The following RIMS2 variants were observed in gnomAD, a reference collection of about 807,000 sequenced individuals.
The protein encoded by RIMS2 is regulating synaptic membrane exocytosis 2.
RIMS2 carries 59 observed loss-of-function variants against 174.4 expected under a neutral mutation model. The observed-to-expected ratio is 0.34, with a 90% CI of 0.27 to 0.42. The LOEUF (loss-of-function observed/expected upper bound fraction) is 0.42. Among genes scored for constraint, RIMS2 ranks in the 10% least tolerant of loss-of-function variants. The pLI, the probability that RIMS2 is intolerant of heterozygous loss-of-function variation, is 1.00. For missense variants in RIMS2, 1,620 were observed against 1,666.3 expected, an observed-to-expected ratio of 0.97 and a Z score of 0.48; for synonymous variants, 606 against 572.5, an observed-to-expected ratio of 1.06 and a Z score of -0.84.
chr8:103,897,354 T>G (rs980793196), intron 4 of RIMS2, among the ~76,000 whole-genome samples: 3 of 151,706 alleles, frequency 2.0e-5, no homozygotes, highest in Non-Finnish European at 4.4e-5. Context: ...TGCTGAGCTA[T>G]CCCATCAGTG....
intron 19 of RIMS2, among the ~76,000 whole-genome samples, chr8:104,053,932 A>G (rs932343530): frequency 1.2e-4 from 19 of 152,130 alleles, no homozygotes; most frequent in African/African-American, 4.6e-4. Context: ...GAGGAGAGCA[A>G]TAAGAGAGGA....
chr8:104,087,974 A>C (rs2097565844), intron 19 of RIMS2, among the ~76,000 whole-genome samples: 1 of 152,092 alleles, frequency 6.6e-6, no homozygotes, highest in African/African-American at 2.4e-5. Context: ...TAAATCTTAA[A>C]TAAGTCCTCA....
chr8:104,144,102 G>A (rs2098608309), intron 19 of RIMS2, among the ~76,000 whole-genome samples: 1 of 151,786 alleles, frequency 6.6e-6, no homozygotes, highest in South Asian at 2.1e-4. Flanking sequence ...CACTTGCTTT[G>A]TAGTTACTTG....
At chr8:103,976,104 C>G (rs191538856) in intron 16 of RIMS2, 2 of 152,130 alleles carry the variant, frequency 1.3e-5, no homozygotes, top group Non-Finnish European at 2.9e-5. Flanking sequence ...CAAGTTGACA[C>G]GTAATGTTAA....
At chr8:104,144,732 T>G (rs1011856415) in intron 19 of RIMS2, among the ~76,000 whole-genome samples, 1 of 152,194 alleles carries the variant, frequency 6.6e-6, no homozygotes, top group African/African-American at 2.4e-5. Flanking sequence ...TTATTTTTCT[T>G]CATATCTCTT....
At chr8:103,996,529 T>A (rs7830448) in intron 17 of RIMS2, among the ~76,000 whole-genome samples, 1 of 151,738 alleles carries the variant, frequency 6.6e-6, no homozygotes, top group Non-Finnish European at 1.5e-5. Flanking sequence ...TTAGAAAGAA[T>A]GTGTTGGAAT....
intron 2 of RIMS2, among the ~76,000 whole-genome samples, chr8:103,734,317 CT>C (rs752360759): frequency 0.024 from 2,884 of 121,638 alleles, 52 homozygotes; most frequent in African/African-American, 0.059. Context: ...GGCCTAAAAG[CT>C]TTTTTTTTTT....
At chr8:103,516,637 A>C (rs1266099389) in intron 1 of RIMS2, among the ~76,000 whole-genome samples, 1 of 152,160 alleles carries the variant, frequency 6.6e-6, no homozygotes, top group Non-Finnish European at 1.5e-5. Context: ...CTAATACTAG[A>C]TGTTGCTATT....
intron 1 of RIMS2, among the ~76,000 whole-genome samples, chr8:103,590,905 T>C (rs2094220385): frequency 6.6e-6 from 1 of 151,118 alleles, no homozygotes. Context: ...GATAAATACC[T>C]GTAAGTGAAA....
chr8:103,917,539 T>G (rs1300633967), intron 8 of RIMS2, among the ~76,000 whole-genome samples: 1 of 152,224 alleles, frequency 6.6e-6, no homozygotes, highest in Non-Finnish European at 1.5e-5. Context: ...ATATTTTTGT[T>G]TAATATTTTA....
chr8:104,092,111 C>T (rs968448018), intron 19 of RIMS2, among the ~76,000 whole-genome samples: 3 of 151,650 alleles, frequency 2.0e-5, no homozygotes, highest in Non-Finnish European at 4.4e-5. Flanking sequence ...TATCTAGATA[C>T]TGAGAGGTTT....
chr8:103,582,655 T>A (rs1343147242), intron 1 of RIMS2, among the ~76,000 whole-genome samples: 1 of 152,118 alleles, frequency 6.6e-6, no homozygotes, highest in Non-Finnish European at 1.5e-5. Flanking sequence ...CTGGCAATAC[T>A]CCTTGTGGCT....
At chr8:104,052,502 G>C (rs13271959) in intron 19 of RIMS2, among the ~76,000 whole-genome samples, 2 of 151,984 alleles carry the variant, frequency 1.3e-5, no homozygotes, top group East Asian at 3.9e-4. Context: ...TCAAAGAAGG[G>C]ACTAAAGCTT....
chr8:103,584,390 C>A (rs933874898), intron 1 of RIMS2, among the ~76,000 whole-genome samples: 3 of 151,938 alleles, frequency 2.0e-5, no homozygotes, highest in Non-Finnish European at 2.9e-5. Flanking sequence ...TAAATAATCA[C>A]CTGAAGGTAC....
chr8:104,097,902 C>T (rs2097790547), intron 19 of RIMS2, among the ~76,000 whole-genome samples: 1 of 152,074 alleles, frequency 6.6e-6, no homozygotes, highest in Admixed American at 6.5e-5. Context: ...GCCACAACTA[C>T]TTTTACACCA....
At chr8:103,963,770 G>T (rs1565560817) in intron 15 of RIMS2, among the ~76,000 whole-genome samples, 1 of 152,046 alleles carries the variant, frequency 6.6e-6, no homozygotes, top group South Asian at 2.1e-4. Flanking sequence ...CATTGGATTT[G>T]GACAAATTGA....
intron 19 of RIMS2, among the ~76,000 whole-genome samples, chr8:104,025,416 G>A (rs1356472387): frequency 1.3e-5 from 2 of 152,174 alleles, no homozygotes; most frequent in Non-Finnish European, 2.9e-5. Context: ...GAGCCCAGGA[G>A]TTTGAGGCTC....
chr8:103,793,708 T>C (rs908463006), intron 3 of RIMS2, among the ~76,000 whole-genome samples: 1 of 152,190 alleles, frequency 6.6e-6, no homozygotes, highest in East Asian at 1.9e-4. Context: ...AAAATCTCCT[T>C]AAGCTGATAA....
intron 1 of RIMS2, among the ~76,000 whole-genome samples, chr8:103,572,981 T>C (rs7845290): frequency 0.18 from 27,695 of 152,086 alleles, 2,771 homozygotes; most frequent in African/African-American, 0.26. Context: ...TCCCCTAGGC[T>C]AATGTCCAGA....
Sources: allele counts gnomAD v4.1 joint callset (sites outside exome capture counted in the v4.1 genomes callset), GRCh38; gene constraint gnomAD v4.1.1; transcripts MANE v1.5; gene names NCBI Gene and HGNC (gene_info 2026-07-23, HGNC 2026-07-21).